The following CCT2 variants were observed in gnomAD, a reference collection of about 807,000 sequenced individuals.
The protein encoded by CCT2 is chaperonin containing TCP1 subunit 2.
Under a neutral mutation model 61.8 loss-of-function variants are expected in CCT2, and 18 were observed. That is an observed-to-expected ratio of 0.29 (90% CI 0.20 to 0.43). CCT2 has a LOEUF of 0.43. CCT2 is among the 20% of genes least tolerant of loss of function. The probability of loss-of-function intolerance (pLI) is 1.00; values close to 1 mark genes in which losing one functional copy is unlikely to be tolerated. For synonymous variants in CCT2, 248 were observed against 215.9 expected (o/e 1.15, Z -1.30); for missense variants, 556 against 656.9 (o/e 0.85, Z 1.68).
chr12:69,586,183 CCACTTGTAAGACTAGTGGAAGG>C (rs1468291271), intron 1 of CCT2, 65 bp from the exon 2 acceptor site: 161 of 1,160,524 alleles, frequency 1.4e-4, no homozygotes, highest in Non-Finnish European at 2.0e-4. Context: ...TCTTAGATGT[CCACTTGTAAGACTAGTGGAAGG>C]CACCTCAGTG....
At chr12:69,585,927 T>C in intron 1 of CCT2, 1 of 1,262,120 alleles carries the variant, frequency 7.9e-7, no homozygotes, top group Non-Finnish European at 1.0e-6. Context: ...CCGCGTTCCC[T>C]CGCCCGCCCG....
intron 14 of CCT2, among the ~76,000 whole-genome samples, chr12:69,599,267 C>CTTA (rs1882081614): frequency 1.3e-5 from 2 of 152,046 alleles, no homozygotes; most frequent in Admixed American, 6.6e-5. Context: ...TTTTTATTTT[C>CTTA]TTAGAGATGG....
intron 6 of CCT2, 123 bp from the exon 7 acceptor site, chr12:69,589,362 A>G (rs575871585): frequency 3.2e-5 from 22 of 680,742 alleles, no homozygotes; most frequent in Middle Eastern, 4.0e-4. Flanking sequence ...CTGAGGTTTA[A>G]TTCTTTTCAT....
chr12:69,587,374 T>C, intron 3 of CCT2, 131 bp from the exon 4 acceptor site: 1 of 580,756 alleles, frequency 1.7e-6, no homozygotes, highest in Non-Finnish European at 3.0e-6. Flanking sequence ...TTGAAAACAT[T>C]TGATGAATGG....
intron 15 of CCT2, 47 bp downstream of exon 15, chr12:69,600,051 A>G (rs1882107166): frequency 1.3e-6 from 2 of 1,518,230 alleles, no homozygotes; most frequent in African/African-American, 1.4e-5. Flanking sequence ...GCAAAACAAA[A>G]TAGGGAGCTG....
intron 15 of CCT2, among the ~76,000 whole-genome samples, chr12:69,600,335 G>C (rs1235187449): frequency 6.6e-6 from 1 of 152,174 alleles, no homozygotes; most frequent in Non-Finnish European, 1.5e-5. Flanking sequence ...TGTAACTAAA[G>C]TGTTCTAGGG....
intron 9 of CCT2, 143 bp from the exon 10 acceptor site, chr12:69,593,367 C>G (rs552533563): frequency 1.4e-5 from 9 of 635,488 alleles, no homozygotes; most frequent in Non-Finnish European, 2.4e-5. Context: ...TTGATAAACT[C>G]TAATTATATA....
At chr12:69,590,486 A>G (rs1176961615) in intron 7 of CCT2, among the ~76,000 whole-genome samples, 1 of 152,196 alleles carries the variant, frequency 6.6e-6, no homozygotes, top group African/African-American at 2.4e-5. Flanking sequence ...GAAGTTTTCC[A>G]GATCATCTTC....
Position 69,601,436 on chromosome 12 carries a change from T to G in CCT2, c.*111T>G. The G allele has an allele frequency of 6.3e-7, 1 of 1,595,082 alleles. No individual in the cohort carries two copies. Among genetic ancestry groups the G allele is most frequent in the Non-Finnish European group, 8.5e-7 (1 of 1,172,536 alleles). On this transcript the variant is annotated 3_prime_UTR_variant, in exon 16 of 16. Coordinates refer to ENST00000299300, the MANE Select transcript of CCT2 (RefSeq NM_006431.3). ...TGTTTATCGGTGCCCATTATATCCT[T>G]AAGTTTGGATATTTAGCTGACCTTC...
rs569871669 is a variant in CCT2, at chr12:69,594,429, G to A, written c.982+816G>A. 5.3e-5 allele frequency among the ~76,000 whole-genome samples: 8 copies of A among 152,218 alleles called. No homozygotes were observed. In the East Asian group the frequency reaches 1.2e-3, roughly 22 times the overall value. ...CTGAAAGTAATAAACGTTAGCATAC[G>A]TGAAACAATCAACATTGTATAATGA... is the stretch of plus-strand genomic sequence containing the variant. On this transcript the variant is annotated intron_variant, in intron 10 of 15. Transcript: ENST00000299300.
At chr12:69,594,754 G>A (rs1881937920) in intron 10 of CCT2, among the ~76,000 whole-genome samples, 2 of 151,784 alleles carry the variant, frequency 1.3e-5, no homozygotes, top group South Asian at 4.1e-4. Context: ...GGTTGAGGCA[G>A]GAGATCTCTT....
At chr12:69,594,144 A>T (rs1368492659) in intron 10 of CCT2, among the ~76,000 whole-genome samples, 1 of 152,180 alleles carries the variant, frequency 6.6e-6, no homozygotes, top group Admixed American at 6.5e-5. Context: ...GTCTCAAAAA[A>T]AAAAAAAGAT....
chr12:69,597,423 T>A (rs1437007361), intron 11 of CCT2, 148 bp downstream of exon 11: 2 of 1,151,326 alleles, frequency 1.7e-6, no homozygotes, highest in African/African-American at 3.1e-5. Context: ...GTCTCTTGAG[T>A]CAACCTCATA....
intron 8 of CCT2, 22 bp from the exon 9 acceptor site, chr12:69,592,954 C>T (rs934426634): frequency 4.3e-6 from 7 of 1,609,382 alleles, no homozygotes; most frequent in Non-Finnish European, 4.2e-6. Context: ...CTGATGCTCT[C>T]TTTATGCTTC....
chr12:69,586,667 C>CAAAAAA, intron 2 of CCT2, 86 bp from the exon 3 acceptor site: 1 of 809,698 alleles, frequency 1.2e-6, no homozygotes, highest in South Asian at 1.9e-5. Context: ...CACTCTGCCT[C>CAAAAAA]AAAAAAAAAA....
At chr12:69,600,733 G>A (rs962594561) in intron 15 of CCT2, among the ~76,000 whole-genome samples, 1 of 152,092 alleles carries the variant, frequency 6.6e-6, no homozygotes, top group Non-Finnish European at 1.5e-5. Context: ...TCTTTGATCT[G>A]TTCTTAAGCT....
intron 7 of CCT2, 24 bp from the exon 8 acceptor site, chr12:69,592,035 A>G: frequency 7.8e-7 from 1 of 1,283,674 alleles, no homozygotes; most frequent in Non-Finnish European, 1.1e-6. Flanking sequence ...ATTAAATATG[A>G]TACTGTTCTT....
rs1327528547 is a variant in CCT2 at position 69,588,313 on chromosome 12, C to T, written c.446+51C>T. ...CTAAACATTTAGTGTTCTTTCATAA[C>T]ATGCTTAATGCAAGAAATCTATAGG... On this transcript the variant is annotated intron_variant, in intron 6 of 15. Transcript: ENST00000299300. The T allele has an allele frequency of 5.4e-6, 7 of 1,285,934 alleles. No individual in the cohort carries two copies. The South Asian group carries it at 6.0e-5, about 11-fold the overall frequency. The allele number at this position is 1,285,934 out of a possible 1,614,324, so 79.7% of individuals were successfully genotyped here. A position where few individuals can be genotyped will look rare whatever the true frequency, so the allele number is the denominator to read the frequency against.
chr12:69,592,005 T>C, intron 7 of CCT2, 54 bp from the exon 8 acceptor site: 2 of 1,015,652 alleles, frequency 2.0e-6, no homozygotes, highest in Non-Finnish European at 3.1e-6. Context: ...TTATAAGATT[T>C]ACTAAGGCTG....
Sources: gnomAD v4.1 joint callset for allele counts (sites outside exome capture counted in the v4.1 genomes callset) on GRCh38, gnomAD v4.1.1 for gene constraint, MANE v1.5 for transcripts, NCBI Gene and HGNC (gene_info 2026-07-23, HGNC 2026-07-21) for gene names.